Variants in SETD5 observed in about 807,000 individuals in gnomAD.
SETD5 encodes the protein SET domain containing 5.
SETD5 carries 44 observed loss-of-function variants against 153.3 expected under a neutral mutation model. That is an observed-to-expected ratio of 0.29 (90% CI 0.23 to 0.37). The LOEUF (loss-of-function observed/expected upper bound fraction) is 0.37. SETD5 is among the 10% of genes least tolerant of loss of function. SETD5 has a pLI of 1.00. For synonymous variants in SETD5, 716 were observed against 645.2 expected, an observed-to-expected ratio of 1.11 and a Z score of -1.66; for missense variants, 1,544 against 1,768.0, an observed-to-expected ratio of 0.87 and a Z score of 2.27.
intron 17 of SETD5, among the ~76,000 whole-genome samples, chr3:9,461,070 A>G (rs887365769): frequency 2.0e-5 from 3 of 152,148 alleles, no homozygotes; most frequent in Non-Finnish European, 4.4e-5. Context: ...CAAGGGGTCA[A>G]CATTCTTACT....
rs748307943 is a variant in SETD5, at chr3:9,442,186, G to T, written c.1018G>T (p.Ala340Ser). The T allele has an allele frequency of 3.1e-6, 5 of 1,610,694 alleles. No individual in the cohort carries two copies. The South Asian group carries it at 4.4e-5, about 14-fold the overall frequency. The stretch of plus-strand genomic sequence containing the variant: ...CAATGGTGTAGAGATGTGTGTGGAT[G>T]CCCGTACTTTCGGTAATGATGCTCG... ...KFNGVEMCVDARTFGNDARFI... is the reference protein window; with the variant it reads ...KFNGVEMCVDSRTFGNDARFI... Residue 340 changes from alanine (A) to serine (S), a missense_variant, in exon 10 of 23, where the codon GCC becomes TCC. Physicochemically the swap from Ala to Ser is moderately conservative, Grantham distance 99. Around this residue, in one of 9 missense-constraint regions of SETD5, gnomAD observed 46 missense variants for 111.8 expected, o/e 0.41. Transcript: ENST00000402198.
At chr3:9,421,463 C>G (rs1374055376) in intron 1 of SETD5, among the ~76,000 whole-genome samples, 2 of 151,968 alleles carry the variant, frequency 1.3e-5, no homozygotes, top group African/African-American at 2.4e-5. Flanking sequence ...TCCTAGCATA[C>G]TTTTCTTCTC....
At chr3:9,417,776 C>T (rs1340364763) in intron 1 of SETD5, among the ~76,000 whole-genome samples, 2 of 150,804 alleles carry the variant, frequency 1.3e-5, no homozygotes, top group East Asian at 2.0e-4. Flanking sequence ...GGATCCACTG[C>T]GCCTGGCCAA....
intron 1 of SETD5, among the ~76,000 whole-genome samples, chr3:9,420,754 A>G (rs191173176): frequency 7.9e-5 from 12 of 152,142 alleles, no homozygotes; most frequent in Admixed American, 5.9e-4. Flanking sequence ...CTGTATCTCC[A>G]AGTGCTCTTT....
intron 1 of SETD5, among the ~76,000 whole-genome samples, chr3:9,403,230 G>A (rs1281256842): frequency 6.6e-6 from 1 of 152,100 alleles, no homozygotes; most frequent in Non-Finnish European, 1.5e-5. Context: ...AGAATATCTT[G>A]TAGGGATCCA....
chr3:9,447,651 T>C, intron 14 of SETD5, 35 bp from the exon 15 acceptor site: 1 of 1,572,484 alleles, frequency 6.4e-7, no homozygotes. Context: ...TGATAAAACA[T>C]TTCTGGTAAG....
intron 8 of SETD5, among the ~76,000 whole-genome samples, chr3:9,441,368 T>A (rs76530896): frequency 4.0e-5 from 6 of 151,494 alleles, no homozygotes; most frequent in South Asian, 4.2e-4. Context: ...TTTTTTTTTT[T>A]AATATTTTCT....
chr3:9,420,243 TAATA>T (rs2038166783), intron 1 of SETD5, among the ~76,000 whole-genome samples: 1 of 148,984 alleles, frequency 6.7e-6, no homozygotes, highest in Admixed American at 6.6e-5. Context: ...ATTTAGATAA[TAATA>T]ATAATAATTC....
intron 1 of SETD5, among the ~76,000 whole-genome samples, chr3:9,416,249 G>A (rs931654289): frequency 6.6e-6 from 1 of 152,094 alleles, no homozygotes; most frequent in Non-Finnish European, 1.5e-5. Flanking sequence ...AAGAACAGCT[G>A]GCCATCTACC....
chr3:9,398,890 T>G (rs773519924), intron 1 of SETD5, among the ~76,000 whole-genome samples: 7 of 152,184 alleles, frequency 4.6e-5, no homozygotes, highest in Non-Finnish European at 8.8e-5. Context: ...GTCTTTCTCT[T>G]GGATATGGAT....
chr3:9,411,925 TATATAA>T (rs930817818), intron 1 of SETD5, among the ~76,000 whole-genome samples: 2 of 152,184 alleles, frequency 1.3e-5, no homozygotes, highest in African/African-American at 4.8e-5. Context: ...CAGTGCTTAC[TATATAA>T]ATATAATCAC....
chr3:9,470,011 C>A (rs79921329), intron 18 of SETD5, among the ~76,000 whole-genome samples: 4 of 152,032 alleles, frequency 2.6e-5, no homozygotes, highest in Admixed American at 2.6e-4. Context: ...TTCCCCCCAC[C>A]TTCCATCAAT....
At chr3:9,455,108 G>T (rs549981680) in intron 17 of SETD5, among the ~76,000 whole-genome samples, 3 of 149,332 alleles carry the variant, frequency 2.0e-5, no homozygotes, top group Non-Finnish European at 3.0e-5. Context: ...ACTTCATTTG[G>T]ATTTTACTTC....
At chr3:9,475,327 C>T (rs1447380348) in intron 22 of SETD5, 156 bp from the exon 23 acceptor site, 13 of 1,178,622 alleles carry the variant, frequency 1.1e-5, no homozygotes, top group East Asian at 5.1e-5. Flanking sequence ...AAGATGAATA[C>T]GGTGATCAAA....
At chr3:9,417,483 CTT>C (rs397874333) in intron 1 of SETD5, among the ~76,000 whole-genome samples, 49 of 143,972 alleles carry the variant, frequency 3.4e-4, no homozygotes, top group African/African-American at 1.0e-3. Context: ...ATAGATAAGT[CTT>C]TTTTTTTTTT....
intron 22 of SETD5, 123 bp from the exon 23 acceptor site, chr3:9,475,360 G>T: frequency 7.1e-7 from 1 of 1,403,038 alleles, no homozygotes; most frequent in Non-Finnish European, 9.5e-7. Context: ...ACTGCCTTTG[G>T]TTTCCTAAAA....
chr3:9,448,178 A>C (rs1327630340), intron 15 of SETD5, among the ~76,000 whole-genome samples, 172 bp downstream of exon 15: 1 of 152,188 alleles, frequency 6.6e-6, no homozygotes, highest in African/African-American at 2.4e-5. Context: ...CCTTATTTTT[A>C]GTCAGCTTAA....
chr3:9,441,898 A>G (rs2041337476), intron 9 of SETD5, among the ~76,000 whole-genome samples, 157 bp downstream of exon 9: 1 of 152,224 alleles, frequency 6.6e-6, no homozygotes, highest in Non-Finnish European at 1.5e-5. Context: ...AAGTGCAAGT[A>G]AATCTTCAAA....
chr3:9,461,442 G>A (rs747318016), intron 17 of SETD5, among the ~76,000 whole-genome samples: 6 of 152,168 alleles, frequency 3.9e-5, no homozygotes, highest in Admixed American at 1.3e-4. Context: ...ATTAGCATGC[G>A]TTTATTTGTG....
Sources: allele counts gnomAD v4.1 joint callset (sites outside exome capture counted in the v4.1 genomes callset), GRCh38; gene constraint gnomAD v4.1.1; regional missense constraint gnomAD v4.1.1; transcripts MANE v1.5; gene names NCBI Gene and HGNC (gene_info 2026-07-23, HGNC 2026-07-21).